RCL1: variants seen among roughly 807,000 people sequenced by gnomAD.
The protein encoded by RCL1 is RNA terminal phosphate cyclase like 1.
A neutral mutation model predicts 42.4 loss-of-function variants in RCL1; 24 were observed. The ratio of observed to expected loss-of-function variants is 0.57; its 90% CI spans 0.41 to 0.80. The LOEUF (loss-of-function observed/expected upper bound fraction) is 0.80. Among genes scored for constraint, RCL1 ranks in the 30% least tolerant of loss-of-function variants. The pLI is 0.00. For missense variants in RCL1, 578 were observed against 467.9 expected (o/e 1.24, Z -2.17); for synonymous variants, 228 against 177.3 (o/e 1.29, Z -2.27).
intron 1 of RCL1, among the ~76,000 whole-genome samples, chr9:4,806,185 A>G (rs138562866): frequency 2.2e-4 from 33 of 151,928 alleles, no homozygotes; most frequent in African/African-American, 8.0e-4. Flanking sequence ...GTCTACAAAT[A>G]GTAACAGTTT....
At chr9:4,794,399 C>G (rs1037254883) in intron 1 of RCL1, among the ~76,000 whole-genome samples, 1 of 152,198 alleles carries the variant, frequency 6.6e-6, no homozygotes, top group African/African-American at 2.4e-5. Flanking sequence ...TTCCTGTCCT[C>G]TCTCTACTGC....
rs1338847699 is a variant in RCL1 at position 4,793,183 on chromosome 9, A to C, written c.92A>C (p.Lys31Thr). The C allele has an allele frequency of 1.9e-6, 3 of 1,610,452 alleles. No individual in the cohort carries two copies. Among genetic ancestry groups the C allele is most frequent in the Middle Eastern group, 1.6e-4 (1 of 6,078 alleles). ...TCTACCCTGAGCGGGCGCCCCGTCA[A>C]AATCCGAAAGATTCGGGCCAGAGAC... ...VLSTLSGRPV[K>T]IRKIRARDDN... Residue 31 changes from lysine to threonine, a missense_variant, in exon 1 of 9, where the codon AAA (lysine) becomes ACA (threonine). Coordinates refer to ENST00000381750, the MANE Select transcript of RCL1 (RefSeq NM_005772.5).
At chr9:4,828,447 A>G (rs1241202887) in intron 3 of RCL1, among the ~76,000 whole-genome samples, 1 of 152,176 alleles carries the variant, frequency 6.6e-6, no homozygotes, top group African/African-American at 2.4e-5. Context: ...ATTCAGCTGC[A>G]TAAACTCTTT....
chr9:4,818,106 A>C (rs974373948), intron 1 of RCL1, among the ~76,000 whole-genome samples: 2 of 150,782 alleles, frequency 1.3e-5, no homozygotes, highest in African/African-American at 4.9e-5. Context: ...TTTTTAGTAG[A>C]GACAGGGTGT....
intron 1 of RCL1, among the ~76,000 whole-genome samples, chr9:4,819,077 A>C (rs149846215): frequency 2.0e-5 from 3 of 152,196 alleles, no homozygotes. Flanking sequence ...TTATAATTTA[A>C]ATTTTGTGTA....
chr9:4,821,185 G>A (rs566064982), intron 1 of RCL1, among the ~76,000 whole-genome samples: 9 of 152,256 alleles, frequency 5.9e-5, no homozygotes, highest in Middle Eastern at 3.4e-3. Context: ...GCGTTTGTGA[G>A]CCTGAAGCAG....
At chr9:4,832,322 C>T (rs1334899529) in intron 3 of RCL1, among the ~76,000 whole-genome samples, 1 of 152,142 alleles carries the variant, frequency 6.6e-6, no homozygotes, top group African/African-American at 2.4e-5. Context: ...CCCCAACTCC[C>T]ATGTAAAATC....
At chr9:4,799,035 C>A (rs1016313379) in intron 1 of RCL1, among the ~76,000 whole-genome samples, 2 of 111,822 alleles carry the variant, frequency 1.8e-5, no homozygotes, top group African/African-American at 7.0e-5. Context: ...TCTTCTTTCC[C>A]CCTTCCCCCC....
At chr9:4,829,992 G>A (rs1351748953) in intron 3 of RCL1, among the ~76,000 whole-genome samples, 1 of 152,206 alleles carries the variant, frequency 6.6e-6, no homozygotes, top group Admixed American at 6.5e-5. Context: ...ACTGAGAATG[G>A]AAGAAGGAGA....
In RCL1 at chr9:4,793,198, G is replaced by A. The variant is rs776271531; in HGVS notation, c.107G>A (p.Arg36Gln). The change falls in exon 1 of 9, where the codon CGG (arginine) becomes CAG (glutamine). Residue 36 changes from arginine to glutamine, a missense_variant. By Grantham distance (43) the Arg-to-Gln change is conservative (BLOSUM62 1). Transcript: ENST00000381750. Reference sequence around the variant, plus strand: ...CGCCCCGTCAAAATCCGAAAGATTCGGGCCAGAGACGACAACCCGGGCCTC... The same window carrying A: ...CGCCCCGTCAAAATCCGAAAGATTCAGGCCAGAGACGACAACCCGGGCCTC... ...SGRPVKIRKI[R>Q]ARDDNPGLRD... The A allele has an allele frequency of 1.0e-5, 16 of 1,607,250 alleles. No homozygotes were observed. The highest frequency in any genetic ancestry group is 1.6e-4 in the Middle Eastern group (1 of 6,076).
chr9:4,808,843 G>C (rs879863365), intron 1 of RCL1, among the ~76,000 whole-genome samples: 1 of 152,146 alleles, frequency 6.6e-6, no homozygotes, highest in African/African-American at 2.4e-5. Context: ...TGAAGATAGA[G>C]GGCAAAGAAG....
chr9:4,843,065 A>C lies in RCL1; in HGVS notation c.711-1460A>C, dbSNP rs1205809638. ...TGTAGACTGTGGGCCATCAACTCCA[A>C]GCCCCATTTTAAAAATTACATGTAA... On this transcript the variant is annotated intron_variant, in intron 6 of 8. Transcript: ENST00000381750. 4.6e-5 allele frequency among the ~76,000 whole-genome samples: 7 copies of C among 152,220 alleles called. No homozygotes were observed. In the South Asian group the frequency reaches 1.4e-3, roughly 32 times the overall value.
At chr9:4,840,761 T>A (rs547398012) in intron 5 of RCL1, among the ~76,000 whole-genome samples, 1 of 152,164 alleles carries the variant, frequency 6.6e-6, no homozygotes, top group Non-Finnish European at 1.5e-5. Context: ...AGGAGTCAGA[T>A]TGGGATCGCC....
intron 1 of RCL1, among the ~76,000 whole-genome samples, chr9:4,811,931 G>T (rs1816191961): frequency 6.6e-6 from 1 of 152,236 alleles, no homozygotes; most frequent in South Asian, 2.1e-4. Context: ...GTTTTGATTT[G>T]CATTTCCCTG....
chr9:4,855,718 G>C (rs1377610094), intron 8 of RCL1, among the ~76,000 whole-genome samples: 1 of 152,106 alleles, frequency 6.6e-6, no homozygotes, highest in Admixed American at 6.5e-5. Flanking sequence ...CTAGAGGTGG[G>C]GGAAAGATTC....
At chr9:4,855,073 A>C in intron 8 of RCL1, among the ~76,000 whole-genome samples, 1 of 73,870 alleles carries the variant, frequency 1.4e-5, no homozygotes, top group Admixed American at 1.4e-4. Flanking sequence ...AAAAAAAAAA[A>C]TAGGAAAAGT....
At chr9:4,810,200 G>T (rs1462182456) in intron 1 of RCL1, among the ~76,000 whole-genome samples, 1 of 152,034 alleles carries the variant, frequency 6.6e-6, no homozygotes, top group Non-Finnish European at 1.5e-5. Flanking sequence ...TTTTACCGAA[G>T]CGTACCATAT....
chr9:4,805,128 G>T (rs1260231981), intron 1 of RCL1, among the ~76,000 whole-genome samples: 1 of 152,158 alleles, frequency 6.6e-6, no homozygotes, highest in Non-Finnish European at 1.5e-5. Flanking sequence ...CAATGAAGAG[G>T]GGATAGAAAG....
At chr9:4,841,082 T>C (rs1817301521) in intron 5 of RCL1, 150 bp from the exon 6 acceptor site, 2 of 737,124 alleles carry the variant, frequency 2.7e-6, no homozygotes, top group Non-Finnish European at 4.4e-6. Context: ...AATTTAATTA[T>C]GGTACTAATT....
Sources: gnomAD v4.1 joint callset for allele counts (sites outside exome capture counted in the v4.1 genomes callset) on GRCh38, gnomAD v4.1.1 for gene constraint, MANE v1.5 for transcripts, NCBI Gene and HGNC (gene_info 2026-07-23, HGNC 2026-07-21) for gene names.